NXPE2: variants seen among roughly 807,000 people sequenced by gnomAD.
NXPE2 encodes neurexophilin and PC-esterase domain family member 2, also known as NXPE family member 2.
NXPE2 carries 34 observed loss-of-function variants against 34.4 expected under a neutral mutation model. The ratio of observed to expected loss-of-function variants is 0.99; its 90% CI spans 0.75 to 1.31. The LOEUF (loss-of-function observed/expected upper bound fraction) is 1.31, where lower values mean the gene tolerates loss of function less well. Ranked by LOEUF, NXPE2 falls within the 40% of genes most tolerant of loss-of-function variation. The pLI, the probability that NXPE2 is intolerant of heterozygous loss-of-function variation, is 0.00. For missense variants in NXPE2, 649 were observed against 672.5 expected (o/e 0.97, Z 0.39); for synonymous variants, 235 against 231.3 (o/e 1.02, Z -0.15).
At chr11:114,556,592 G>A in the NXPE2 span, among the ~76,000 whole-genome samples, 1 of 151,980 alleles carries the variant, frequency 6.6e-6, no homozygotes, top group Non-Finnish European at 1.5e-5. Context: ...AGCCCTTAAA[G>A]CTGGCTCCCA....
At chr11:114,672,006 G>T in the NXPE2 span, among the ~76,000 whole-genome samples, 3 of 152,034 alleles carry the variant, frequency 2.0e-5, no homozygotes, top group African/African-American at 7.2e-5. Flanking sequence ...CAATCATGGT[G>T]AAGGCAAAAG....
the NXPE2 span, chr11:114,582,974 G>T: frequency 1.9e-6 from 3 of 1,613,960 alleles, no homozygotes; most frequent in South Asian, 3.3e-5. Flanking sequence ...ACTTTGTGGA[G>T]TTGTTCCAGT....
the NXPE2 span, among the ~76,000 whole-genome samples, chr11:114,742,274 G>T: frequency 6.6e-6 from 1 of 152,140 alleles, no homozygotes; most frequent in Non-Finnish European, 1.5e-5. Context: ...AGTTGTTGTT[G>T]TTCTGCGGAT....
At chr11:114,552,124 G>A in the NXPE2 span, 1 of 152,192 alleles carries the variant, frequency 6.6e-6, no homozygotes, top group African/African-American at 2.4e-5. Flanking sequence ...CAAAGGATCA[G>A]TTTAGAGTTG....
the NXPE2 span, among the ~76,000 whole-genome samples, chr11:114,600,100 A>G: frequency 6.6e-6 from 1 of 152,216 alleles, no homozygotes; most frequent in Non-Finnish European, 1.5e-5. Flanking sequence ...AATATGTGCT[A>G]ATGAATACTA....
At chr11:114,642,457 T>C in the NXPE2 span, among the ~76,000 whole-genome samples, 1 of 151,894 alleles carries the variant, frequency 6.6e-6, no homozygotes, top group East Asian at 1.9e-4. Flanking sequence ...AGGTGTGTGA[T>C]TTTCCCCTCC....
the NXPE2 span, chr11:114,583,159 C>T: frequency 3.2e-6 from 3 of 924,018 alleles, no homozygotes; most frequent in Non-Finnish European, 4.9e-6. Context: ...TATTGATTTA[C>T]ATACTATTAT....
the NXPE2 span, among the ~76,000 whole-genome samples, chr11:114,609,415 CT>C: frequency 6.6e-6 from 1 of 151,662 alleles, no homozygotes; most frequent in Non-Finnish European, 1.5e-5. Context: ...CACTGTTACC[CT>C]GTGGATAATA....
chr11:114,805,716 C>A, the NXPE2 span, among the ~76,000 whole-genome samples: 1 of 152,206 alleles, frequency 6.6e-6, no homozygotes, highest in South Asian at 2.1e-4. Flanking sequence ...CTGGGTGGAG[C>A]CCACCACAGC....
the NXPE2 span, among the ~76,000 whole-genome samples, chr11:114,799,295 A>AC: frequency 7.1e-6 from 1 of 140,776 alleles, no homozygotes; most frequent in Non-Finnish European, 1.5e-5. Flanking sequence ...ATGAAGCAAA[A>AC]AAAAAAAAAA....
At chr11:114,588,540 A>G in the NXPE2 span, among the ~76,000 whole-genome samples, 3 of 152,170 alleles carry the variant, frequency 2.0e-5, no homozygotes, top group African/African-American at 7.2e-5. Context: ...GTAGGCCAAA[A>G]GGGAAAAAAG....
At chr11:114,784,731 G>T in the NXPE2 span, among the ~76,000 whole-genome samples, 2 of 152,206 alleles carry the variant, frequency 1.3e-5, no homozygotes, top group East Asian at 3.9e-4. Context: ...CTTTGAAATG[G>T]AGAAAAGCCA....
At chr11:114,670,828 A>C in the NXPE2 span, among the ~76,000 whole-genome samples, 12 of 152,002 alleles carry the variant, frequency 7.9e-5, no homozygotes, top group Admixed American at 4.6e-4. Context: ...AGACATGCAA[A>C]GAAACAGGAG....
chr11:114,635,581 G>A, the NXPE2 span, among the ~76,000 whole-genome samples: 1,000 of 141,640 alleles, frequency 7.1e-3, 9 homozygotes, highest in African/African-American at 0.017. Context: ...TGCCCATTCA[G>A]TATGATATTG....
the NXPE2 span, among the ~76,000 whole-genome samples, chr11:114,659,433 CA>C: frequency 0.6 from 88,341 of 146,802 alleles, 27,668 homozygotes; most frequent in East Asian, 0.88. Context: ...TTCTGTTAAA[CA>C]AAAAAAAGAG....
At chr11:114,609,348 T>A in the NXPE2 span, among the ~76,000 whole-genome samples, 185 of 151,722 alleles carry the variant, frequency 1.2e-3, no homozygotes, top group African/African-American at 4.2e-3. Flanking sequence ...TAATAAGTAA[T>A]GTCTCATTGG....
At chr11:114,497,484 A>G in the NXPE2 span, among the ~76,000 whole-genome samples, 1,292 of 151,786 alleles carry the variant, frequency 8.5e-3, 16 homozygotes, top group African/African-American at 0.03. Context: ...CTATATTTTA[A>G]CCGTACTTTT....
the NXPE2 span, among the ~76,000 whole-genome samples, chr11:114,534,717 T>C: frequency 2.6e-5 from 4 of 152,160 alleles, no homozygotes; most frequent in Admixed American, 1.3e-4. Context: ...AAATGAAGCA[T>C]GAAGAGAAGT....
the NXPE2 span, among the ~76,000 whole-genome samples, chr11:114,660,737 A>T: frequency 3.3e-5 from 5 of 152,122 alleles, no homozygotes; most frequent in Non-Finnish European, 7.4e-5. Context: ...CTTATTCAGC[A>T]TTATACTGGA....
Sources: gnomAD v4.1 joint callset for allele counts (sites outside exome capture counted in the v4.1 genomes callset) on GRCh38, gnomAD v4.1.1 for gene constraint, MANE v1.5 for transcripts, NCBI Gene and HGNC (gene_info 2026-07-23, HGNC 2026-07-21) for gene names.